SLC9A5: variants seen among roughly 807,000 people sequenced by gnomAD.
SLC9A5 encodes the protein solute carrier family 9 member A5.
SLC9A5 carries 52 observed loss-of-function variants against 91.7 expected under a neutral mutation model. The ratio of observed to expected loss-of-function variants is 0.57; its 90% CI spans 0.45 to 0.71. The LOEUF (loss-of-function observed/expected upper bound fraction) is 0.71, where lower values mean the gene tolerates loss of function less well. Ranked by LOEUF, SLC9A5 falls within the 30% of genes least tolerant of loss-of-function variation. SLC9A5 has a pLI of 0.00. For missense variants in SLC9A5, 871 were observed against 1,158.9 expected, an observed-to-expected ratio of 0.75 and a Z score of 3.61; for synonymous variants, 419 against 474.5, an observed-to-expected ratio of 0.88 and a Z score of 1.52.
chr16:67,254,972 A>T, intron 2 of SLC9A5, 49 bp from the exon 3 acceptor site: 3 of 1,574,002 alleles, frequency 1.9e-6, no homozygotes, highest in Non-Finnish European at 2.6e-6. Context: ...GCTCCAGGAG[A>T]CTGGGTCGTC....
chr16:67,252,774 G>A lies in SLC9A5; in HGVS notation c.420G>A (p.Val140=). 1.2e-6 allele frequency: 2 copies of A among 1,614,086 alleles called. No homozygotes were observed. Among genetic ancestry groups the A allele is most frequent in the Non-Finnish European group, 1.7e-6 (2 of 1,180,038 alleles). Residue 140 remains valine, a synonymous_variant, in exon 2 of 16, where the codon GTG becomes GTA. Transcript: ENST00000299798. This position sits in a 1 kb window ranked among gnomAD's most constrained non-coding sequence, Gnocchi z 4.0. Reference sequence around the variant, plus strand: ...TGGGTGCCATCCTCACCTATGCCGTGGTAGGCACACTCTGGAATGCCTTCA... The same window carrying A: ...TGGGTGCCATCCTCACCTATGCCGTAGTAGGCACACTCTGGAATGCCTTCA... The part of the protein sequence containing the change: ...DNLGAILTYA[V]VGTLWNAFTT...
chr16:67,259,345 T>TA (rs2035438323), intron 10 of SLC9A5, among the ~76,000 whole-genome samples: 4 of 111,416 alleles, frequency 3.6e-5, no homozygotes, highest in Non-Finnish European at 6.8e-5. Context: ...GCTTGGGTGA[T>TA]AGAGTGACTC....
chr16:67,266,836 C>T lies in SLC9A5; in HGVS notation c.2218+611C>T, dbSNP rs1245223257. On this transcript the variant is annotated intron_variant, in intron 15 of 15. Transcript: ENST00000299798. ...GATTACAGGCGTGAGCCACCATGCC[C>T]GGCCTATTCTTTTCTTTTTTTTTTT... 2.1e-4 allele frequency among the ~76,000 whole-genome samples: 31 copies of T among 147,336 alleles called. 2 individuals are homozygous for T. In the South Asian group the frequency reaches 2.2e-3, roughly 10 times the overall value.
rs772208482 is a variant in SLC9A5, at chr16:67,256,448, T to C, written c.912-21T>C. On this transcript the variant is annotated intron_variant, in intron 5 of 15. Transcript: ENST00000299798. This position sits in a 1 kb window ranked among gnomAD's most constrained non-coding sequence, Gnocchi z 4.1. ...CCCTGGAACCCTTCCCCACTTGCCA[T>C]GTCTCTCCATCCTCTCCCAGGGTGA... The C allele has an allele frequency of 6.3e-6, 10 of 1,577,210 alleles. No homozygotes were observed. The highest frequency in any genetic ancestry group is 1.3e-5 in the African/African-American group (1 of 74,500).
chr16:67,259,876 G>A lies in SLC9A5; in HGVS notation c.1772G>A (p.Ser591Asn), dbSNP rs2035465296. Residue 591 changes from serine (S) to asparagine (N), a missense_variant, in exon 12 of 16, where the codon AGC (serine) becomes AAC (asparagine). By Grantham distance (46) the Ser-to-Asn change is conservative (BLOSUM62 1). Coordinates refer to ENST00000299798, the MANE Select transcript of SLC9A5 (RefSeq NM_004594.3). ...CTGCAGGTGATTGACACAGTACGCAGCGGCCGGGATCGTGAGGATGCTGTG... is the reference window on the plus strand; with the variant it reads ...CTGCAGGTGATTGACACAGTACGCAACGGCCGGGATCGTGAGGATGCTGTG... The part of the protein sequence containing the change: ...LDLQVIDTVR[S>N]GRDREDAVMH... The A allele has an allele frequency of 6.2e-7, 1 of 1,614,076 alleles. No individual in the cohort carries two copies. Among genetic ancestry groups the A allele is most frequent in the African/African-American group, 1.3e-5 (1 of 74,920 alleles).
chr16:67,257,145 G>C lies in SLC9A5; in HGVS notation c.1335+32G>C. On this transcript the variant is annotated intron_variant, in intron 7 of 15. Coordinates refer to ENST00000299798, the MANE Select transcript of SLC9A5 (RefSeq NM_004594.3). The surrounding 1 kb of genome is among the most constrained non-coding windows in gnomAD (Gnocchi z 5.1). ...GTGCCCACAAGGCTGGGTAGGGAGA[G>C]GGTTGGGCAGGCCCTGGGGGAGTCT... The C allele has an allele frequency of 6.3e-7, 1 of 1,583,742 alleles. No homozygotes were observed. Among genetic ancestry groups the C allele is most frequent in the East Asian group, 2.2e-5 (1 of 44,634 alleles).
At chr16:67,254,920 C>A in intron 2 of SLC9A5, 101 bp from the exon 3 acceptor site, 1 of 1,179,962 alleles carries the variant, frequency 8.5e-7, no homozygotes, top group Non-Finnish European at 1.2e-6. Context: ...GGCTTCCTTG[C>A]TGTTATCAGC....
intron 10 of SLC9A5, 92 bp from the exon 11 acceptor site, chr16:67,259,481 A>C: frequency 1.1e-6 from 1 of 872,346 alleles, no homozygotes; most frequent in Non-Finnish European, 1.9e-6. Flanking sequence ...AGAGTAAACT[A>C]AGTGTTCGTT....
chr16:67,265,179 C>T, intron 14 of SLC9A5, 73 bp downstream of exon 14: 5 of 1,438,616 alleles, frequency 3.5e-6, no homozygotes, highest in Non-Finnish European at 4.9e-6. Flanking sequence ...AGCCAGAATC[C>T]TGGAGGACCC....
At chr16:67,253,819 G>T (rs1199289076) in intron 2 of SLC9A5, among the ~76,000 whole-genome samples, 1 of 152,170 alleles carries the variant, frequency 6.6e-6, no homozygotes, top group African/African-American at 2.4e-5. Flanking sequence ...CACCACGCCT[G>T]GCCCCAGGTC....
At chr16:67,253,667 C>T (rs373454732) in intron 2 of SLC9A5, among the ~76,000 whole-genome samples, 3 of 152,320 alleles carry the variant, frequency 2.0e-5, no homozygotes, top group South Asian at 2.1e-4. Flanking sequence ...GGATTACAAG[C>T]ACATGTCACT....
chr16:67,271,482 C>G lies in SLC9A5; in HGVS notation c.*272C>G, dbSNP rs2035923466. ...AGTCCAGGCCTTCTACGGGCTAGGC[C>G]CAGAGACTTGGGTTGCTGGTCCCCC... On this transcript the variant is annotated 3_prime_UTR_variant, in exon 16 of 16. Coordinates refer to ENST00000299798, the MANE Select transcript of SLC9A5 (RefSeq NM_004594.3). 3 of 482,004 alleles carry G rather than the reference C, an allele frequency of 6.2e-6. No homozygotes were observed. The highest frequency in any genetic ancestry group is 1.1e-5 in the Non-Finnish European group (3 of 266,890). 29.9% of individuals were successfully genotyped at this position (482,004 alleles called of 1,614,324 possible).
At chr16:67,261,999 C>G in intron 12 of SLC9A5, 1 of 295,936 alleles carries the variant, frequency 3.4e-6, no homozygotes, top group Non-Finnish European at 6.7e-6. Flanking sequence ...TGGGTTCAGT[C>G]CAATCGGTTC....
At position 67,258,364 on chromosome 16, in the gene SLC9A5, C is replaced by T. The variant is rs768416025; in HGVS notation, c.1543C>T (p.Arg515Ter). 85 of 1,613,898 alleles carry T rather than the reference C, an allele frequency of 5.3e-5. No individual in the cohort carries two copies. Among genetic ancestry groups the T allele is most frequent in the Non-Finnish European group, 6.5e-5 (77 of 1,179,896 alleles). ...KKYLSQLLMRRSAYRIRDQIW... is the reference protein window; with the variant it reads ...KKYLSQLLMR ...ATACCTGAGTCAGCTGCTGATGCGA[C>T]GATCAGCCTACCGCATCCGGGACCA... Residue 515 changes from arginine to a stop codon, truncating the protein, a stop_gained, in exon 10 of 16, where the codon CGA becomes TGA. Coordinates refer to ENST00000299798, the MANE Select transcript of SLC9A5 (RefSeq NM_004594.3). LOFTEE classifies it high-confidence loss of function. The surrounding 1 kb of genome is among the most constrained non-coding windows in gnomAD (Gnocchi z 4.5).
In SLC9A5 at chr16:67,256,023, C is replaced by T. The variant is rs958621936; in HGVS notation, c.911+93C>T. Reference sequence around the variant, plus strand: ...GACACAGGCAGGAACTTCAGGAGTCCATAGGTTTCCCTGAGCCCTTGTGGT... The same window carrying T: ...GACACAGGCAGGAACTTCAGGAGTCTATAGGTTTCCCTGAGCCCTTGTGGT... On this transcript the variant is annotated intron_variant, in intron 5 of 15. Coordinates refer to ENST00000299798, the MANE Select transcript of SLC9A5 (RefSeq NM_004594.3). This position sits in a 1 kb window ranked among gnomAD's most constrained non-coding sequence, Gnocchi z 4.1. The T allele has an allele frequency of 6.6e-6, 9 of 1,365,090 alleles. No individual in the cohort carries two copies. The Admixed American group carries it at 1.0e-4, about 15-fold the overall frequency. The allele number at this position is 1,365,090 out of a possible 1,614,324, so 84.6% of individuals were successfully genotyped here.
Position 67,255,823 on chromosome 16 carries a change from C to T in SLC9A5, c.804C>T (p.Thr268=). The T allele has an allele frequency of 6.2e-7, 1 of 1,609,256 alleles. No homozygotes were observed. The change falls in exon 5 of 16, where the codon ACC becomes ACT. Residue 268 remains threonine, a synonymous_variant. Coordinates refer to ENST00000299798, the MANE Select transcript of SLC9A5 (RefSeq NM_004594.3). The surrounding 1 kb of genome is among the most constrained non-coding windows in gnomAD (Gnocchi z 4.9). ...GLVFAFLLAL[T]TRFTKRVRII... Reference sequence around the variant, plus strand: ...TCTTTGCCTTCCTCCTGGCCCTGACCACACGCTTCACCAAGCGGGTCCGCA... The same window carrying T: ...TCTTTGCCTTCCTCCTGGCCCTGACTACACGCTTCACCAAGCGGGTCCGCA...
In SLC9A5 at chr16:67,270,007, C is replaced by T. The variant is rs1257129439; in HGVS notation, c.2219-731C>T. ...CAGGCAGGATGCTCAGCAGAAAAAC[C>T]TTTGGCCTGTAGCCTCCAGGTCTTT... is the stretch of plus-strand genomic sequence containing the variant. On this transcript the variant is annotated intron_variant, in intron 15 of 15. Transcript: ENST00000299798. This position sits in a 1 kb window ranked among gnomAD's most constrained non-coding sequence, Gnocchi z 4.3. 2.0e-5 allele frequency among the ~76,000 whole-genome samples: 3 copies of T among 152,068 alleles called. No individual in the cohort carries two copies. Among genetic ancestry groups the T allele is most frequent in the Non-Finnish European group, 4.4e-5 (3 of 68,024 alleles).
rs2035402149 is a variant in SLC9A5 at position 67,258,490 on chromosome 16, A to G, written c.1626+43A>G. 6.2e-7 allele frequency: 1 copy of G among 1,612,678 alleles called. No homozygotes were observed. The highest frequency in any genetic ancestry group is 1.1e-5 in the South Asian group (1 of 91,048). On this transcript the variant is annotated intron_variant, in intron 10 of 15. Coordinates refer to ENST00000299798, the MANE Select transcript of SLC9A5 (RefSeq NM_004594.3). The surrounding 1 kb of genome is among the most constrained non-coding windows in gnomAD (Gnocchi z 4.5). ...AGGTGGGCCAGTGGTGGGTGGGCAG[A>G]TGGTCAGCAGAGCAGGACAGAAAGG...
Position 67,257,708 on chromosome 16 carries a change from G to C in SLC9A5, c.1496+107G>C. On this transcript the variant is annotated intron_variant, in intron 9 of 15. Transcript: ENST00000299798. The surrounding 1 kb of genome is among the most constrained non-coding windows in gnomAD (Gnocchi z 5.1). ...GAAGGGACAGAGCCAGGTTCAGGCT[G>C]GGTGACCTCTGCCTGAAGCCCTTCA... 2 of 1,191,748 alleles carry C rather than the reference G, an allele frequency of 1.7e-6. No homozygotes were observed. Among genetic ancestry groups the C allele is most frequent in the Non-Finnish European group, 2.5e-6 (2 of 814,176 alleles). The allele number at this position is 1,191,748 out of a possible 1,614,324, so 73.8% of individuals were successfully genotyped here. A position where few individuals can be genotyped will look rare whatever the true frequency, so the allele number is the denominator to read the frequency against.
Sources: gnomAD v4.1 joint callset for allele counts (sites outside exome capture counted in the v4.1 genomes callset) on GRCh38, gnomAD v4.1.1 for gene constraint, Gnocchi (gnomAD v3.1) non-coding constraint, MANE v1.5 for transcripts, NCBI Gene and HGNC (gene_info 2026-07-23, HGNC 2026-07-21) for gene names.